The following APOBEC1 variants were observed in gnomAD, a reference collection of about 807,000 sequenced individuals.
The protein encoded by APOBEC1 is C->U-editing enzyme APOBEC-1.
A neutral mutation model predicts 26.3 loss-of-function variants in APOBEC1; 22 were observed. That is an observed-to-expected ratio of 0.84 (90% CI 0.60 to 1.19). The LOEUF (loss-of-function observed/expected upper bound fraction) is 1.19. Among genes scored for constraint, APOBEC1 ranks in the 50% most tolerant of loss-of-function variants. The pLI is 0.00. For synonymous variants in APOBEC1, 77 were observed against 95.3 expected (o/e 0.81, Z 1.12); for missense variants, 253 against 289.0 (o/e 0.88, Z 0.90).
chr12:7,652,423 GTTTACTGTTTTTA>G lies in APOBEC1; in HGVS notation c.442+2_442+14del, dbSNP rs1319720126. The G allele has an allele frequency of 1.9e-5, 31 of 1,592,818 alleles. No individual in the cohort carries two copies. The highest frequency in any genetic ancestry group is 2.3e-5 in the Non-Finnish European group (27 of 1,169,494). ...CTGTTGTAAACAATGAAGTTTCTTTGTTTACTGTTTTTACCTGATGCTCTCATAATCTGAATAG... is the reference window on the plus strand; with the variant it reads ...CTGTTGTAAACAATGAAGTTTCTTTGCCTGATGCTCTCATAATCTGAATAG... On this transcript the variant is annotated splice_donor_variant and splice_donor_5th_base_variant and intron_variant, in intron 3 of 4. Coordinates refer to ENST00000229304, the MANE Select transcript of APOBEC1 (RefSeq NM_001644.5). LOFTEE classifies it high-confidence loss of function.
chr12:7,659,666 A>G (rs927703922), intron 1 of APOBEC1, among the ~76,000 whole-genome samples: 20 of 152,236 alleles, frequency 1.3e-4, no homozygotes, highest in African/African-American at 3.9e-4. Flanking sequence ...TTTAAAAAAG[A>G]AAAACTAAAA....
At chr12:7,653,945 A>C (rs967437674) in intron 2 of APOBEC1, among the ~76,000 whole-genome samples, 1 of 152,214 alleles carries the variant, frequency 6.6e-6, no homozygotes, top group Non-Finnish European at 1.5e-5. Flanking sequence ...CAATATGGTT[A>C]AGTCACAAGC....
chr12:7,663,541 A>C (rs750069213), intron 1 of APOBEC1, among the ~76,000 whole-genome samples: 1 of 152,266 alleles, frequency 6.6e-6, no homozygotes, highest in East Asian at 1.9e-4. Flanking sequence ...CCCTTGAACC[A>C]GTAATCTACT....
chr12:7,660,416 G>GAGAGA (rs780368866), intron 1 of APOBEC1, among the ~76,000 whole-genome samples: 2 of 145,912 alleles, frequency 1.4e-5, no homozygotes, highest in Non-Finnish European at 3.1e-5. Flanking sequence ...AAGAAAGAGA[G>GAGAGA]GGTATTTGGG....
intron 1 of APOBEC1, among the ~76,000 whole-genome samples, chr12:7,661,020 C>T (rs1171111598): frequency 7.9e-5 from 11 of 140,096 alleles, no homozygotes; most frequent in Admixed American, 2.2e-4. Flanking sequence ...GGTGAAATCC[C>T]GTCTGTACTA....
upstream of APOBEC1, among the ~76,000 whole-genome samples, chr12:7,670,407 T>A (rs1464287384): frequency 1.4e-5 from 2 of 141,988 alleles, no homozygotes; most frequent in African/African-American, 2.7e-5. Flanking sequence ...TGAAGTCATG[T>A]CTCCATAATC....
At chr12:7,666,615 T>A (rs969609147), upstream of APOBEC1, among the ~76,000 whole-genome samples, 1 of 152,034 alleles carries the variant, frequency 6.6e-6, no homozygotes, top group African/African-American at 2.4e-5. Context: ...CATTCTTTAA[T>A]GGAGAGATGA....
intron 1 of APOBEC1, among the ~76,000 whole-genome samples, chr12:7,659,322 A>AAAATAT (rs1555094633): frequency 1.0e-3 from 48 of 46,262 alleles, no homozygotes; most frequent in Non-Finnish European, 1.1e-3. Flanking sequence ...AAAAAAAAAA[A>AAAATAT]ATATATATAT....
intron 1 of APOBEC1, among the ~76,000 whole-genome samples, chr12:7,662,419 C>T (rs1330765913): frequency 6.6e-6 from 1 of 151,652 alleles, no homozygotes; most frequent in Non-Finnish European, 1.5e-5. Flanking sequence ...CCTGTCTCTA[C>T]TAAAAATACA....
At position 7,651,229 on chromosome 12, in the gene APOBEC1, C is replaced by G. The variant is rs759640991; in HGVS notation, c.443-88G>C. 3.1e-5 allele frequency: 28 copies of G among 902,284 alleles called. No homozygotes were observed. In the Admixed American group the frequency reaches 4.2e-4, roughly 14 times the overall value. 55.9% of individuals were successfully genotyped at this position (902,284 alleles called of 1,614,324 possible). On this transcript the variant is annotated intron_variant, in intron 3 of 4. Transcript: ENST00000229304. ...CCAACCTAGCTTCCCGTATAGAAAGCCTGTAGTCTCTAGTCTAGTTGCTGC... is the reference window on the plus strand; with the variant it reads ...CCAACCTAGCTTCCCGTATAGAAAGGCTGTAGTCTCTAGTCTAGTTGCTGC...
intron 1 of APOBEC1, among the ~76,000 whole-genome samples, chr12:7,657,261 G>GA (rs1212614770): frequency 1.3e-5 from 2 of 152,320 alleles, no homozygotes; most frequent in Admixed American, 1.3e-4. Flanking sequence ...ATTGTTAGCT[G>GA]AATGTCTAGT....
intron 1 of APOBEC1, among the ~76,000 whole-genome samples, chr12:7,657,043 CGTGTGTGTGTGTGTGTGT>C (rs6144603): frequency 7.4e-5 from 11 of 148,652 alleles, no homozygotes; most frequent in African/African-American, 2.0e-4. Flanking sequence ...GTTGTATATA[CGTGTGTGTGTGTGTGTGT>C]GTGTGTGTGT....
intron 2 of APOBEC1, among the ~76,000 whole-genome samples, chr12:7,654,343 A>G (rs750794607): frequency 3.3e-5 from 5 of 151,424 alleles, no homozygotes; most frequent in Non-Finnish European, 7.4e-5. Context: ...AGAGAAAAGG[A>G]ACAATAAAGA....
At chr12:7,663,979 C>T (rs1863858772) in intron 1 of APOBEC1, among the ~76,000 whole-genome samples, 1 of 152,084 alleles carries the variant, frequency 6.6e-6, no homozygotes, top group Admixed American at 6.6e-5. Flanking sequence ...GCCTTGGCCT[C>T]CCAAGTAGCG....
intron 1 of APOBEC1, 97 bp from the exon 2 acceptor site, chr12:7,654,729 A>C: frequency 4.3e-6 from 5 of 1,170,132 alleles, no homozygotes; most frequent in Non-Finnish European, 6.3e-6. Context: ...AAATCATCTC[A>C]GAAAATGGAA....
upstream of APOBEC1, among the ~76,000 whole-genome samples, chr12:7,666,697 A>G (rs151106025): frequency 1.7e-3 from 262 of 152,276 alleles, 3 homozygotes; most frequent in African/African-American, 5.4e-3. Flanking sequence ...TCTGGTGAGC[A>G]CACTGTGGCC....
Position 7,651,147 on chromosome 12 carries a change from G to A in APOBEC1, c.443-6C>T. On this transcript the variant is annotated splice_region_variant and splice_polypyrimidine_tract_variant and intron_variant, in intron 3 of 4. Transcript: ENST00000229304. ...CCTCCAGCAGTGATAATACTCTAAG[G>A]AAACACAAATCTTGGCTCATTCAAC... 1.3e-6 allele frequency: 2 copies of A among 1,594,592 alleles called. No homozygotes were observed. Among genetic ancestry groups the A allele is most frequent in the Non-Finnish European group, 1.7e-6 (2 of 1,162,428 alleles).
intron 3 of APOBEC1, among the ~76,000 whole-genome samples, chr12:7,651,726 T>G (rs763524978): frequency 6.6e-6 from 1 of 152,250 alleles, no homozygotes; most frequent in Non-Finnish European, 1.5e-5. Context: ...CACTGCAGCC[T>G]TGAACTTCTG....
intron 1 of APOBEC1, among the ~76,000 whole-genome samples, chr12:7,660,442 C>T (rs1392886604): frequency 6.9e-6 from 1 of 144,534 alleles, no homozygotes; most frequent in Non-Finnish European, 1.5e-5. Flanking sequence ...GACAGTGGCT[C>T]ACACCTGTAA....
Sources: allele counts gnomAD v4.1 joint callset (sites outside exome capture counted in the v4.1 genomes callset), GRCh38; gene constraint gnomAD v4.1.1; transcripts MANE v1.5; gene names NCBI Gene and HGNC (gene_info 2026-07-23, HGNC 2026-07-21).